Variants in XYLT1 observed in about 807,000 individuals in gnomAD.
The protein encoded by XYLT1 is xylosyltransferase 1.
XYLT1 carries 36 observed loss-of-function variants against 91.3 expected under a neutral mutation model. That is an observed-to-expected ratio of 0.39 (90% CI 0.30 to 0.52). XYLT1 has a LOEUF of 0.52. XYLT1 is among the 20% of genes least tolerant of loss of function. The pLI, the probability that XYLT1 is intolerant of heterozygous loss-of-function variation, is 0.68. For synonymous variants in XYLT1, 588 were observed against 532.0 expected (o/e 1.11, Z -1.45); for missense variants, 1,242 against 1,284.5 (o/e 0.97, Z 0.51).
At chr16:17,140,923 CAA>C (rs995105282) in intron 7 of XYLT1, among the ~76,000 whole-genome samples, 1 of 152,178 alleles carries the variant, frequency 6.6e-6, no homozygotes, top group Non-Finnish European at 1.5e-5. Flanking sequence ...CTATTTTGCA[CAA>C]AGACACTGTG....
intron 9 of XYLT1, among the ~76,000 whole-genome samples, chr16:17,129,347 C>T (rs938843029): frequency 3.3e-5 from 5 of 152,048 alleles, no homozygotes; most frequent in African/African-American, 4.8e-5. Flanking sequence ...CTGCAACCTC[C>T]GCCTCCTGGG....
Position 17,106,973 on chromosome 16 carries a change from A to G in XYLT1, c.*1722T>C, listed in dbSNP as rs11644229. 0.16 allele frequency: 24,001 copies of G among 152,090 alleles called. 2,583 individuals carry two copies. Among genetic ancestry groups the G allele is most frequent in the South Asian group, 0.26 (1,233 of 4,808 alleles). 9.4% of individuals were successfully genotyped at this position (152,090 alleles called of 1,614,324 possible). A position where few individuals can be genotyped will look rare whatever the true frequency, so the allele number is the denominator to read the frequency against. On this transcript the variant is annotated 3_prime_UTR_variant, in exon 12 of 12. Coordinates refer to ENST00000261381, the MANE Select transcript of XYLT1 (RefSeq NM_022166.4). Reference sequence around the variant, plus strand: ...CAGAGAAAGAGAAACCGAGAGAGAGAGAGACACCAGGGGGTGGGAAAAGAT... The same window carrying G: ...CAGAGAAAGAGAAACCGAGAGAGAGGGAGACACCAGGGGGTGGGAAAAGAT...
chr16:17,338,845 A>G (rs2035026579), intron 2 of XYLT1, among the ~76,000 whole-genome samples: 1 of 152,160 alleles, frequency 6.6e-6, no homozygotes, highest in African/African-American at 2.4e-5. Context: ...TCGGCCTCCC[A>G]AAGTGCTGGG....
chr16:17,142,119 C>A (rs914299034), intron 6 of XYLT1, among the ~76,000 whole-genome samples: 3 of 152,148 alleles, frequency 2.0e-5, no homozygotes, highest in Non-Finnish European at 4.4e-5. Context: ...GTTGCCTAGA[C>A]TGGTCTTGAA....
At chr16:17,443,687 T>A (rs1245981246) in intron 1 of XYLT1, among the ~76,000 whole-genome samples, 3 of 152,184 alleles carry the variant, frequency 2.0e-5, no homozygotes, top group African/African-American at 7.2e-5. Flanking sequence ...ATGACAGGCA[T>A]TAGAAACGTA....
At chr16:17,310,703 G>C (rs1466507019) in intron 2 of XYLT1, among the ~76,000 whole-genome samples, 3 of 152,092 alleles carry the variant, frequency 2.0e-5, no homozygotes, top group Admixed American at 2.0e-4. Flanking sequence ...ACAAAAATTA[G>C]CCAGGCGTGG....
At chr16:17,316,343 A>C (rs2034632109) in intron 2 of XYLT1, among the ~76,000 whole-genome samples, 1 of 152,108 alleles carries the variant, frequency 6.6e-6, no homozygotes, top group Non-Finnish European at 1.5e-5. Context: ...CCCTCCATGC[A>C]GATTTGGGGA....
intron 5 of XYLT1, among the ~76,000 whole-genome samples, chr16:17,161,677 G>GCTCTCTCTCTCTCTCT (rs10676460): frequency 1.7e-4 from 26 of 148,996 alleles, no homozygotes; most frequent in African/African-American, 4.9e-4. Context: ...TTTCTCGCGC[G>GCTCTCTCTCTCTCTCT]CTCTCTCTCT....
At chr16:17,402,384 C>T (rs2035981511) in intron 1 of XYLT1, among the ~76,000 whole-genome samples, 1 of 151,668 alleles carries the variant, frequency 6.6e-6, no homozygotes. Flanking sequence ...ACGAAGTGTA[C>T]ACAGTTTAAA....
At chr16:17,225,338 C>T (rs530452364) in intron 3 of XYLT1, among the ~76,000 whole-genome samples, 1 of 152,122 alleles carries the variant, frequency 6.6e-6, no homozygotes, top group Non-Finnish European at 1.5e-5. Context: ...GCAGGGCTCA[C>T]TACAGATGAA....
chr16:17,341,330 C>T (rs1183149447), intron 2 of XYLT1, among the ~76,000 whole-genome samples: 1 of 152,194 alleles, frequency 6.6e-6, no homozygotes, highest in Non-Finnish European at 1.5e-5. Context: ...ATCCCAGAGA[C>T]TGTGACAGGT....
intron 2 of XYLT1, among the ~76,000 whole-genome samples, chr16:17,277,606 TCTCGAA>T (rs1379914819): frequency 4.6e-5 from 7 of 152,098 alleles, no homozygotes; most frequent in Non-Finnish European, 1.0e-4. Context: ...GCCAGGCTGT[TCTCGAA>T]CTCCTGACCT....
chr16:17,283,723 G>A (rs918909615), intron 2 of XYLT1, among the ~76,000 whole-genome samples: 1 of 152,140 alleles, frequency 6.6e-6, no homozygotes, highest in African/African-American at 2.4e-5. Flanking sequence ...AGGGCAGCAG[G>A]GCCACTGCAG....
chr16:17,124,027 C>T (rs8063192), intron 10 of XYLT1, among the ~76,000 whole-genome samples: 98,002 of 152,076 alleles, frequency 0.64, 32,586 homozygotes, highest in Non-Finnish European at 0.71. Flanking sequence ...TGTGAGTCCT[C>T]AGGTGCCAGG....
At chr16:17,340,601 ACTCT>A (rs1312404989) in intron 2 of XYLT1, among the ~76,000 whole-genome samples, 1 of 152,118 alleles carries the variant, frequency 6.6e-6, no homozygotes, top group Non-Finnish European at 1.5e-5. Context: ...CTCCCCACTC[ACTCT>A]CTATATGACC....
At chr16:17,419,084 C>T (rs144483072) in intron 1 of XYLT1, among the ~76,000 whole-genome samples, 17 of 152,028 alleles carry the variant, frequency 1.1e-4, no homozygotes, top group Admixed American at 3.3e-4. Context: ...GCAGTAAGCA[C>T]GCAGTATAGG....
intron 1 of XYLT1, among the ~76,000 whole-genome samples, chr16:17,445,633 A>G (rs981270948): frequency 3.9e-5 from 6 of 152,184 alleles, no homozygotes; most frequent in African/African-American, 1.4e-4. Flanking sequence ...CCCAGCATGG[A>G]GGCTCCTCTG....
intron 6 of XYLT1, among the ~76,000 whole-genome samples, chr16:17,157,168 G>A (rs1038134102): frequency 1.5e-4 from 23 of 152,088 alleles, no homozygotes; most frequent in Non-Finnish European, 2.5e-4. Flanking sequence ...GGCTGGCCTC[G>A]AACTCCAGAC....
At chr16:17,151,864 T>G (rs1439036771) in intron 6 of XYLT1, among the ~76,000 whole-genome samples, 1 of 152,160 alleles carries the variant, frequency 6.6e-6, no homozygotes, top group Non-Finnish European at 1.5e-5. Context: ...TTTCTTATAT[T>G]TCCCAAGGAG....
Sources: allele counts gnomAD v4.1 joint callset (sites outside exome capture counted in the v4.1 genomes callset), GRCh38; gene constraint gnomAD v4.1.1; transcripts MANE v1.5; gene names NCBI Gene and HGNC (gene_info 2026-07-23, HGNC 2026-07-21).